The following FBXW7 variants were observed in gnomAD, a reference collection of about 807,000 sequenced individuals.
The protein encoded by FBXW7 is F-box/WD repeat-containing protein 7.
In FBXW7, 11 loss-of-function variants were observed where a neutral mutation model predicts 86.3. The ratio of observed to expected loss-of-function variants is 0.13; its 90% confidence interval spans 0.08 to 0.21. The LOEUF is 0.21. FBXW7 is among the 10% of genes least tolerant of loss of function. The pLI, the probability that FBXW7 is intolerant of heterozygous loss-of-function variation, is 1.00. For synonymous variants in FBXW7, 313 were observed against 297.9 expected (o/e 1.05, Z -0.52); for missense variants, 488 against 847.4 (o/e 0.58, Z 5.27).
chr4:152,522,589 C>G (rs1270561575), intron 2 of FBXW7, among the ~76,000 whole-genome samples: 2 of 152,076 alleles, frequency 1.3e-5, no homozygotes, highest in Admixed American at 1.3e-4. Flanking sequence ...TGTCCTATAC[C>G]TTGTTTATAC....
chr4:152,472,186 C>A (rs1348084519), intron 2 of FBXW7, among the ~76,000 whole-genome samples: 1 of 152,096 alleles, frequency 6.6e-6, no homozygotes, highest in African/African-American at 2.4e-5. Flanking sequence ...TTCTAAAATA[C>A]TGCAGGTAAA....
chr4:152,364,993 A>G (rs1255396831), intron 4 of FBXW7, among the ~76,000 whole-genome samples: 1 of 152,164 alleles, frequency 6.6e-6, no homozygotes, highest in African/African-American at 2.4e-5. Context: ...TCATGGCTGG[A>G]GTTCACAGCA....
intron 2 of FBXW7, among the ~76,000 whole-genome samples, chr4:152,463,957 G>A (rs1166453448): frequency 6.6e-6 from 1 of 152,188 alleles, no homozygotes; most frequent in Admixed American, 6.5e-5. Context: ...CAAAGGAGAA[G>A]TGAATGTTAA....
chr4:152,331,747 C>A (rs143956561), intron 8 of FBXW7, among the ~76,000 whole-genome samples: 40 of 152,146 alleles, frequency 2.6e-4, no homozygotes, highest in African/African-American at 8.2e-4. Context: ...CATGTTATCA[C>A]AATTTTTAAA....
intron 2 of FBXW7, among the ~76,000 whole-genome samples, chr4:152,506,453 T>C (rs559960974): frequency 1.3e-5 from 2 of 152,284 alleles, no homozygotes; most frequent in African/African-American, 4.8e-5. Flanking sequence ...TTCAGACGAC[T>C]GGCAGTGCAG....
intron 2 of FBXW7, among the ~76,000 whole-genome samples, chr4:152,443,207 A>G (rs1741068986): frequency 6.6e-6 from 1 of 152,190 alleles, no homozygotes; most frequent in Non-Finnish European, 1.5e-5. Flanking sequence ...GGTTGTGGTG[A>G]GCCGAAATCG....
At chr4:152,491,767 C>T (rs534846612) in intron 2 of FBXW7, among the ~76,000 whole-genome samples, 1 of 152,262 alleles carries the variant, frequency 6.6e-6, no homozygotes, top group African/African-American at 2.4e-5. Flanking sequence ...AAATAGTATA[C>T]TAAACTTCCC....
chr4:152,429,791 G>GT (rs1739728627), intron 2 of FBXW7, among the ~76,000 whole-genome samples: 2 of 152,182 alleles, frequency 1.3e-5, no homozygotes, highest in Admixed American at 6.5e-5. Context: ...TATATTGTTG[G>GT]TATGTAGTAG....
At chr4:152,501,683 TTGTAAACC>T (rs1472866737) in intron 2 of FBXW7, among the ~76,000 whole-genome samples, 1 of 152,184 alleles carries the variant, frequency 6.6e-6, no homozygotes, top group Non-Finnish European at 1.5e-5. Context: ...CTAAAGTTTG[TTGTAAACC>T]TGATGAGATC....
At chr4:152,354,768 T>G (rs1343524718) in intron 4 of FBXW7, among the ~76,000 whole-genome samples, 1 of 152,108 alleles carries the variant, frequency 6.6e-6, no homozygotes, top group African/African-American at 2.4e-5. Context: ...CTACAAATAT[T>G]GTTTGTATGT....
intron 2 of FBXW7, among the ~76,000 whole-genome samples, chr4:152,509,583 A>T (rs1747773267): frequency 6.6e-6 from 1 of 151,432 alleles, no homozygotes; most frequent in South Asian, 2.1e-4. Context: ...TTCCTGCTTT[A>T]AAAAAAAATG....
chr4:152,398,515 C>G (rs950317714), intron 4 of FBXW7, among the ~76,000 whole-genome samples: 1 of 151,488 alleles, frequency 6.6e-6, no homozygotes, highest in Admixed American at 6.6e-5. Context: ...AAAATTTTTC[C>G]CACAAATAAT....
At position 152,525,844 on chromosome 4, in the gene FBXW7, T is replaced by C. The variant is rs190782792; in HGVS notation, c.-120+9097A>G. Among the ~76,000 whole-genome samples, 79 of 152,294 alleles carry C rather than the reference T, an allele frequency of 5.2e-4. 1 individual carries two copies. The highest frequency in any genetic ancestry group is 1.8e-3 in the African/African-American group (76 of 41,566). Reference sequence around the variant, plus strand: ...TTAGTAATGGGATTGCTGGGTGGAATGGTAGTTCTGCTGTTAGCTCTTTAA... The same window carrying C: ...TTAGTAATGGGATTGCTGGGTGGAACGGTAGTTCTGCTGTTAGCTCTTTAA... On this transcript the variant is annotated intron_variant, in intron 2 of 13. Transcript: ENST00000281708.
intron 2 of FBXW7, among the ~76,000 whole-genome samples, chr4:152,445,910 T>TAA (rs11457603): frequency 0.027 from 2,654 of 100,102 alleles, 107 homozygotes; most frequent in Non-Finnish European, 0.045. Context: ...ACTCTGTCTT[T>TAA]AAAAAAAAAA....
intron 2 of FBXW7, among the ~76,000 whole-genome samples, chr4:152,508,229 A>T (rs1161683133): frequency 6.6e-6 from 1 of 152,184 alleles, no homozygotes; most frequent in African/African-American, 2.4e-5. Flanking sequence ...AGAATCTGTA[A>T]GTCCATCTGA....
chr4:152,528,938 TTGTGTGTG>T (rs142822510), intron 2 of FBXW7, among the ~76,000 whole-genome samples: 1 of 149,940 alleles, frequency 6.7e-6, no homozygotes, highest in Admixed American at 6.7e-5. Flanking sequence ...CATACATACT[TTGTGTGTG>T]TGTGTGTGTG....
intron 4 of FBXW7, among the ~76,000 whole-genome samples, chr4:152,396,554 T>C (rs1386796500): frequency 6.6e-6 from 1 of 152,054 alleles, no homozygotes; most frequent in African/African-American, 2.4e-5. Flanking sequence ...AATCCATCAA[T>C]AGCATCTATT....
chr4:152,369,375 C>T (rs1231679478), intron 4 of FBXW7, among the ~76,000 whole-genome samples: 1 of 152,066 alleles, frequency 6.6e-6, no homozygotes, highest in East Asian at 1.9e-4. Flanking sequence ...AGGCACTCTG[C>T]TTTTCTGATA....
At chr4:152,434,487 T>C (rs551845531) in intron 2 of FBXW7, among the ~76,000 whole-genome samples, 4 of 152,236 alleles carry the variant, frequency 2.6e-5, no homozygotes, top group Admixed American at 6.5e-5. Flanking sequence ...CTGTCCTCTA[T>C]GCCTTAGTTT....
Sources: allele counts gnomAD v4.1 joint callset (sites outside exome capture counted in the v4.1 genomes callset), GRCh38; gene constraint gnomAD v4.1.1; transcripts MANE v1.5; gene names NCBI Gene and HGNC (gene_info 2026-07-23, HGNC 2026-07-21).